CCSER1: variants seen among roughly 807,000 people sequenced by gnomAD.
CCSER1 encodes coiled-coil serine rich protein 1.
Under a neutral mutation model 82.0 loss-of-function variants are expected in CCSER1, and 41 were observed. That is an observed-to-expected ratio of 0.50 (90% CI 0.39 to 0.65). CCSER1 has a LOEUF of 0.65. Among genes scored for constraint, CCSER1 ranks in the 30% least tolerant of loss-of-function variants. The pLI, the probability that CCSER1 is intolerant of heterozygous loss-of-function variation, is 0.00. For missense variants in CCSER1, 1,119 were observed against 1,064.2 expected, an observed-to-expected ratio of 1.05 and a Z score of -0.72; for synonymous variants, 414 against 383.9, an observed-to-expected ratio of 1.08 and a Z score of -0.92.
intron 3 of CCSER1, among the ~76,000 whole-genome samples, chr4:90,321,128 G>T (rs1001049612): frequency 6.6e-6 from 1 of 151,536 alleles, no homozygotes; most frequent in African/African-American, 2.4e-5. Context: ...TTTCACTATA[G>T]TTACCCTATT....
intron 10 of CCSER1, among the ~76,000 whole-genome samples, chr4:91,569,295 T>C (rs190538712): frequency 9.4e-4 from 143 of 152,260 alleles, no homozygotes; most frequent in Non-Finnish European, 1.3e-3. Context: ...TGGCTGTAGA[T>C]TGCAACTTGA....
chr4:90,421,209 T>C (rs1467964952), intron 4 of CCSER1, among the ~76,000 whole-genome samples: 4 of 152,198 alleles, frequency 2.6e-5, no homozygotes, highest in Non-Finnish European at 4.4e-5. Context: ...AAAACAATTA[T>C]AGACTTTCTA....
chr4:91,150,878 T>G (rs1210435150), intron 10 of CCSER1, among the ~76,000 whole-genome samples: 4 of 152,188 alleles, frequency 2.6e-5, no homozygotes, highest in Non-Finnish European at 5.9e-5. Context: ...TTGCCAGTAT[T>G]TTATTGAGGA....
intron 8 of CCSER1, among the ~76,000 whole-genome samples, chr4:90,892,440 C>A (rs1028017933): frequency 6.6e-6 from 1 of 151,902 alleles, no homozygotes; most frequent in East Asian, 1.9e-4. Flanking sequence ...CATTACTACT[C>A]CAGCTTTCCT....
rs1480251349 is a variant in CCSER1, at chr4:91,219,966, T to G, written c.2217+133972T>G. On this transcript the variant is annotated intron_variant, in intron 10 of 10. Transcript: ENST00000509176. ...AGTGTTTTTAGAACCTCTCTTAAAA[T>G]GTAAATTTACTCAAAACGTCATATA... 2.0e-5 allele frequency among the ~76,000 whole-genome samples: 3 copies of G among 152,290 alleles called. No homozygotes were observed. In the East Asian group the frequency reaches 5.8e-4, roughly 29 times the overall value.
intron 6 of CCSER1, among the ~76,000 whole-genome samples, chr4:90,657,221 C>T (rs1338468067): frequency 6.6e-6 from 1 of 152,008 alleles, no homozygotes; most frequent in Non-Finnish European, 1.5e-5. Context: ...CATATTTTAA[C>T]TAAATAAAAA....
At chr4:90,460,779 A>G (rs113417517) in intron 4 of CCSER1, among the ~76,000 whole-genome samples, 2 of 152,246 alleles carry the variant, frequency 1.3e-5, no homozygotes, top group East Asian at 1.9e-4. Flanking sequence ...TCTCACACCC[A>G]TCTGTACTGT....
At chr4:90,509,744 T>C (rs960380683) in intron 5 of CCSER1, among the ~76,000 whole-genome samples, 7 of 152,182 alleles carry the variant, frequency 4.6e-5, no homozygotes, top group African/African-American at 1.7e-4. Flanking sequence ...AGCAGAATGA[T>C]GGTTAGATGT....
intron 8 of CCSER1, among the ~76,000 whole-genome samples, chr4:90,920,296 T>C (rs1728189664): frequency 6.6e-6 from 1 of 151,986 alleles, no homozygotes; most frequent in Admixed American, 6.6e-5. Context: ...AAATATTTTA[T>C]GGTCTTTAAT....
intron 10 of CCSER1, among the ~76,000 whole-genome samples, chr4:91,143,854 A>C (rs1408943508): frequency 6.6e-6 from 1 of 152,044 alleles, no homozygotes. Context: ...TAACTGCTTT[A>C]TGTGCTGCTG....
intron 1 of CCSER1, among the ~76,000 whole-genome samples, chr4:90,230,520 G>A (rs1199222595): frequency 3.3e-5 from 5 of 152,022 alleles, no homozygotes; most frequent in Non-Finnish European, 5.9e-5. Context: ...GAGGAAGCAG[G>A]AAAGATCCAA....
chr4:90,540,086 C>T (rs1775918904), intron 5 of CCSER1, among the ~76,000 whole-genome samples: 1 of 152,068 alleles, frequency 6.6e-6, no homozygotes, highest in South Asian at 2.1e-4. Context: ...TGAGTAATTT[C>T]AGTATAAACC....
At chr4:91,243,160 A>C (rs193212255) in intron 10 of CCSER1, among the ~76,000 whole-genome samples, 1 of 152,244 alleles carries the variant, frequency 6.6e-6, no homozygotes, top group Admixed American at 6.5e-5. Flanking sequence ...TCACAGTGGA[A>C]AATAAAGCCA....
At chr4:91,498,856 T>G (rs1191462125) in intron 10 of CCSER1, among the ~76,000 whole-genome samples, 4 of 152,006 alleles carry the variant, frequency 2.6e-5, no homozygotes, top group Admixed American at 2.0e-4. Flanking sequence ...TCTGAATGCT[T>G]AATTTATATA....
At chr4:90,143,095 A>G (rs1186502960) in intron 1 of CCSER1, among the ~76,000 whole-genome samples, 3 of 152,162 alleles carry the variant, frequency 2.0e-5, no homozygotes, top group African/African-American at 4.8e-5. Context: ...TTCTAAGCAA[A>G]TATCTGGTAT....
chr4:90,514,851 T>A (rs1272216301), intron 5 of CCSER1, among the ~76,000 whole-genome samples: 1 of 152,044 alleles, frequency 6.6e-6, no homozygotes, highest in Non-Finnish European at 1.5e-5. Flanking sequence ...ATCTCTATAT[T>A]ACATTATTAC....
chr4:91,189,809 T>C (rs1734853904), intron 10 of CCSER1, among the ~76,000 whole-genome samples: 1 of 152,152 alleles, frequency 6.6e-6, no homozygotes, highest in Non-Finnish European at 1.5e-5. Flanking sequence ...AAATTGAACA[T>C]TTATTTGAAT....
intron 1 of CCSER1, among the ~76,000 whole-genome samples, chr4:90,145,994 C>A (rs1043927547): frequency 6.6e-6 from 1 of 151,928 alleles, no homozygotes; most frequent in Admixed American, 6.6e-5. Flanking sequence ...TGATAATTGG[C>A]ATTTGCAGGA....
At chr4:91,141,302 TG>T (rs1397145975) in intron 10 of CCSER1, among the ~76,000 whole-genome samples, 1 of 152,020 alleles carries the variant, frequency 6.6e-6, no homozygotes, top group Non-Finnish European at 1.5e-5. Context: ...TACAGGCACC[TG>T]CCACCACCTG....
Sources: allele counts gnomAD v4.1 joint callset (sites outside exome capture counted in the v4.1 genomes callset), GRCh38; gene constraint gnomAD v4.1.1; transcripts MANE v1.5; gene names NCBI Gene and HGNC (gene_info 2026-07-23, HGNC 2026-07-21).